PLEKHA8: variants seen among roughly 807,000 people sequenced by gnomAD.
The protein encoded by PLEKHA8 is pleckstrin homology domain containing A8, also known as pleckstrin homology domain-containing family A member 8.
PLEKHA8 carries 36 observed loss-of-function variants against 68.2 expected under a neutral mutation model. That is an observed-to-expected ratio of 0.53 (90% CI 0.40 to 0.70). PLEKHA8 has a LOEUF of 0.70. PLEKHA8 is among the 30% of genes least tolerant of loss of function. PLEKHA8 has a pLI of 0.00. For missense variants in PLEKHA8, 505 were observed against 615.4 expected, an observed-to-expected ratio of 0.82 and a Z score of 1.90; for synonymous variants, 211 against 216.1, an observed-to-expected ratio of 0.98 and a Z score of 0.20.
At chr7:30,127,357 G>T (rs529692027) in intron 13 of PLEKHA8, among the ~76,000 whole-genome samples, 2 of 152,304 alleles carry the variant, frequency 1.3e-5, no homozygotes, top group African/African-American at 4.8e-5. Flanking sequence ...TAAGAAGAAA[G>T]AAATTCACCC....
chr7:30,060,996 C>G, intron 10 of PLEKHA8, 54 bp downstream of exon 10: 1 of 1,529,430 alleles, frequency 6.5e-7, no homozygotes, highest in Non-Finnish European at 9.0e-7. Context: ...AAAATGTTCT[C>G]AACATTTTTG....
At chr7:30,052,946 G>T in intron 7 of PLEKHA8, 80 bp downstream of exon 7, 1 of 1,213,406 alleles carries the variant, frequency 8.2e-7, no homozygotes, top group Non-Finnish European at 1.1e-6. Context: ...TCCATGATAG[G>T]GATTAACCTC....
intron 9 of PLEKHA8, among the ~76,000 whole-genome samples, chr7:30,056,742 AGTGTGTGTGTGTGTGTGTG>A (rs1396801218): frequency 8.0e-5 from 6 of 74,784 alleles, no homozygotes; most frequent in African/African-American, 1.0e-4. Context: ...AAAAAAAAAA[AGTGTGTGTGTGTGTGTGTG>A]TGTGTGTGTG....
Position 30,044,014 on chromosome 7 carries a change from C to T in PLEKHA8, c.41-1071C>T, listed in dbSNP as rs369046436. Among the ~76,000 whole-genome samples, 14 of 150,746 alleles carry T rather than the reference C, an allele frequency of 9.3e-5. 1 individual carries two copies. The highest frequency in any genetic ancestry group is 3.4e-4 in the African/African-American group (14 of 41,050). ...GAGGACTGAGAAAACAAGGTTTACG[C>T]AGAGATAGTCAGGGATGATTTTTTT... On this transcript the variant is annotated intron_variant, in intron 1 of 13. Coordinates refer to ENST00000449726, the MANE Select transcript of PLEKHA8 (RefSeq NM_001197026.2).
intron 6 of PLEKHA8, chr7:30,050,718 C>T (rs1275513024): frequency 2.7e-6 from 1 of 368,058 alleles, no homozygotes; most frequent in African/African-American, 2.1e-5. Context: ...CCCATCACAT[C>T]TAGTAACTTT....
chr7:30,078,768 A>C lies in PLEKHA8; in HGVS notation c.1541A>C (p.Glu514Ala), dbSNP rs762513208. The stretch of plus-strand genomic sequence containing the variant: ...ACTTTATATGAGGTCCACGGGCTGG[A>C]ATCTGATGAGGTGGTATGATGGCTG... ...LDTLYEVHGL[E>A]SDEVV The change falls in exon 14 of 14, where the codon GAA (glutamate) becomes GCA (alanine). Residue 514 changes from glutamate (E) to alanine (A), a missense_variant. Coordinates refer to ENST00000449726, the MANE Select transcript of PLEKHA8 (RefSeq NM_001197026.2). 12 of 1,613,550 alleles carry C rather than the reference A, an allele frequency of 7.4e-6. No individual in the cohort carries two copies. Among genetic ancestry groups the C allele is most frequent in the Non-Finnish European group, 1.0e-5 (12 of 1,179,678 alleles).
chr7:30,056,331 T>TATATATATATAA, intron 9 of PLEKHA8, among the ~76,000 whole-genome samples: 1 of 130,420 alleles, frequency 7.7e-6, no homozygotes, highest in East Asian at 2.2e-4. Context: ...TATATATATA[T>TATATATATATAA]AAATAACATA....
Position 30,052,807 on chromosome 7 carries a change from A to C in PLEKHA8, c.737A>C (p.Lys246Thr). Residue 246 changes from lysine to threonine, a missense_variant, in exon 7 of 14, where the codon AAA (lysine) becomes ACA (threonine). Coordinates refer to ENST00000449726, the MANE Select transcript of PLEKHA8 (RefSeq NM_001197026.2). ...LMKNKNSLYL[K>T]SAEIDCSISS... Reference sequence around the variant, plus strand: ...AAAAATAAGAATTCCTTATATTTGAAATCTGCAGAGATAGACTGCAGCATA... The same window carrying C: ...AAAAATAAGAATTCCTTATATTTGACATCTGCAGAGATAGACTGCAGCATA... The C allele has an allele frequency of 6.4e-7, 1 of 1,571,626 alleles. No homozygotes were observed. The highest frequency in any genetic ancestry group is 8.6e-7 in the Non-Finnish European group (1 of 1,167,422).
chr7:30,128,624 A>T (rs1554283737), intron 13 of PLEKHA8, among the ~76,000 whole-genome samples: 1 of 151,708 alleles, frequency 6.6e-6, no homozygotes, highest in Non-Finnish European at 1.5e-5. Context: ...TCTTTTTCTA[A>T]TACTTAGTGG....
At chr7:30,070,436 T>C (rs1794158698) in intron 12 of PLEKHA8, among the ~76,000 whole-genome samples, 1 of 152,176 alleles carries the variant, frequency 6.6e-6, no homozygotes, top group Admixed American at 6.5e-5. Context: ...TGCTGTCTTT[T>C]AGAAGAGGGC....
intron 13 of PLEKHA8, among the ~76,000 whole-genome samples, chr7:30,114,992 A>C (rs962217309): frequency 1.3e-5 from 2 of 152,060 alleles, no homozygotes; most frequent in Non-Finnish European, 2.9e-5. Flanking sequence ...TGGTTCTCCT[A>C]ATCTACTCTT....
rs1201177796 is a variant in PLEKHA8, at chr7:30,056,029, G to A, written c.1039+687G>A. Among the ~76,000 whole-genome samples, 13 of 146,594 alleles carry A rather than the reference G, an allele frequency of 8.9e-5. No individual in the cohort carries two copies. The South Asian group carries it at 1.1e-3, about 12-fold the overall frequency. ...GGGATCTCCACTCACTGCAAGCTCC[G>A]CCCCCCAGGTTCATGCTGTTCTCCT... On this transcript the variant is annotated intron_variant, in intron 9 of 13. Transcript: ENST00000449726.
chr7:30,091,108 C>A (rs1411524399), downstream of PLEKHA8, among the ~76,000 whole-genome samples: 1 of 152,178 alleles, frequency 6.6e-6, no homozygotes, highest in Non-Finnish European at 1.5e-5. Flanking sequence ...AGGCTGCAGG[C>A]CACTGCCCTC....
At chr7:30,093,626 C>T (rs959553603), downstream of PLEKHA8, among the ~76,000 whole-genome samples, 1 of 152,196 alleles carries the variant, frequency 6.6e-6, no homozygotes, top group East Asian at 1.9e-4. Flanking sequence ...ATTGCACAAC[C>T]CTGCTCATAA....
At position 30,081,173 on chromosome 7, in the gene PLEKHA8, C is replaced by G; in HGVS notation, c.*2386C>G. The G allele has an allele frequency of 1.0e-6, 1 of 985,346 alleles. No homozygotes were observed. The highest frequency in any genetic ancestry group is 1.2e-6 in the Non-Finnish European group (1 of 829,906). The allele number at this position is 985,346 out of a possible 1,614,324, so 61.0% of individuals were successfully genotyped here. ...TAATATTATCTGAGATCATTGAGAA[C>G]CCAGATCAGACAGAATAGCTTGAAT... On this transcript the variant is annotated 3_prime_UTR_variant, in exon 14 of 14. Transcript: ENST00000449726.
chr7:30,077,453 A>C (rs1233262458), intron 13 of PLEKHA8, among the ~76,000 whole-genome samples: 1 of 152,152 alleles, frequency 6.6e-6, no homozygotes. Context: ...TTAAGTATTT[A>C]TCATGTGCCA....
At position 30,049,337 on chromosome 7, in the gene PLEKHA8, C is replaced by T. The variant is rs1792221105; in HGVS notation, c.552C>T (p.Arg184=). Residue 184 remains arginine, a synonymous_variant, in exon 5 of 14, where the codon CGC becomes CGT. Coordinates refer to ENST00000449726, the MANE Select transcript of PLEKHA8 (RefSeq NM_001197026.2). ...NAAFTSELLY[R]TPPGSPQLAM... is the part of the protein sequence containing the mutation. ...CCTTCACCTCTGAGCTGCTCTACCG[C>T]ACTCCACCAGGATCACCTCAGCTGG... is the stretch of plus-strand genomic sequence containing the variant. 1 of 1,614,174 alleles carries T rather than the reference C, an allele frequency of 6.2e-7. No homozygotes were observed. The highest frequency in any genetic ancestry group is 2.2e-5 in the East Asian group (1 of 44,882).
chr7:30,118,090 C>T (rs1288620877), intron 13 of PLEKHA8: 1 of 1,395,418 alleles, frequency 7.2e-7, no homozygotes. Context: ...CTGGGTGACG[C>T]CTCTCTCCAG....
intron 13 of PLEKHA8, chr7:30,129,239 G>T (rs750476499): frequency 6.2e-7 from 1 of 1,612,738 alleles, no homozygotes; most frequent in East Asian, 2.2e-5. Context: ...GTGTTCCTCT[G>T]TCCTTCCCTC....
Sources: gnomAD v4.1 joint callset for allele counts (sites outside exome capture counted in the v4.1 genomes callset) on GRCh38, gnomAD v4.1.1 for gene constraint, MANE v1.5 for transcripts, NCBI Gene and HGNC (gene_info 2026-07-23, HGNC 2026-07-21) for gene names.